SLC38A11: variants seen among roughly 807,000 people sequenced by gnomAD.
SLC38A11 encodes solute carrier family 38 member 11.
SLC38A11 carries 51 observed loss-of-function variants against 49.4 expected under a neutral mutation model. The ratio of observed to expected loss-of-function variants is 1.03; its 90% CI spans 0.83 to 1.30. The LOEUF (loss-of-function observed/expected upper bound fraction) is 1.30. Among genes scored for constraint, SLC38A11 ranks in the 50% most tolerant of loss-of-function variants. The pLI, the probability that SLC38A11 is intolerant of heterozygous loss-of-function variation, is 0.00. For missense variants in SLC38A11, 574 were observed against 556.2 expected (o/e 1.03, Z -0.32); for synonymous variants, 203 against 192.9 (o/e 1.05, Z -0.43).
At chr2:164,945,030 T>C (rs949485538) in intron 4 of SLC38A11, among the ~76,000 whole-genome samples, 1 of 152,192 alleles carries the variant, frequency 6.6e-6, no homozygotes. Flanking sequence ...ATTAAAAAAG[T>C]AAGACTTTTT....
At chr2:164,940,739 A>G (rs1215858891) in intron 5 of SLC38A11, among the ~76,000 whole-genome samples, 3 of 149,528 alleles carry the variant, frequency 2.0e-5, no homozygotes, top group Non-Finnish European at 4.5e-5. Flanking sequence ...GTGTATATAT[A>G]TGTATATGAT....
In SLC38A11 at chr2:164,937,334, TAAC is replaced by T. The variant is rs1559119797; in HGVS notation, c.617+13_617+15del. On this transcript the variant is annotated intron_variant, in intron 7 of 11. Coordinates refer to ENST00000685975, the MANE Select transcript of SLC38A11 (RefSeq NM_001351537.2). ...GCTATAAATCAAAGACTGACAAATA[TAAC>T]AACATAACTTACATGTGTGGACCCA... The T allele has an allele frequency of 6.4e-7, 1 of 1,556,174 alleles. No individual in the cohort carries two copies. The highest frequency in any genetic ancestry group is 1.1e-5 in the South Asian group (1 of 89,222).
At chr2:164,940,181 AG>A (rs1438292758) in intron 5 of SLC38A11, among the ~76,000 whole-genome samples, 1 of 149,424 alleles carries the variant, frequency 6.7e-6, no homozygotes, top group East Asian at 1.9e-4. Context: ...TGCAACTGGT[AG>A]ACACTGCAGA....
intron 7 of SLC38A11, among the ~76,000 whole-genome samples, chr2:164,920,926 C>T (rs1686153646): frequency 6.6e-6 from 1 of 151,726 alleles, no homozygotes; most frequent in Non-Finnish European, 1.5e-5. Flanking sequence ...GTTTGAGCAT[C>T]TGGAAAAGAA....
At chr2:164,930,560 A>G (rs916763203) in intron 7 of SLC38A11, among the ~76,000 whole-genome samples, 4 of 152,152 alleles carry the variant, frequency 2.6e-5, no homozygotes, top group African/African-American at 7.2e-5. Context: ...ATCCACCACA[A>G]TCAAGTAGGC....
intron 7 of SLC38A11, among the ~76,000 whole-genome samples, chr2:164,928,993 A>G (rs1387520209): frequency 1.3e-5 from 2 of 152,140 alleles, no homozygotes; most frequent in African/African-American, 4.8e-5. Context: ...CACATGTTCA[A>G]TATATCCCAT....
At chr2:164,952,666 C>T in intron 3 of SLC38A11, 41 bp downstream of exon 3, 2 of 1,260,612 alleles carry the variant, frequency 1.6e-6, no homozygotes, top group Non-Finnish European at 2.3e-6. Flanking sequence ...AGTTATTGCA[C>T]AGTTGAAGTT....
chr2:164,938,388 A>T (rs887482456), intron 6 of SLC38A11, among the ~76,000 whole-genome samples: 1 of 152,132 alleles, frequency 6.6e-6, no homozygotes, highest in African/African-American at 2.4e-5. Context: ...ATTTATTTAG[A>T]TATCTCAATA....
At chr2:164,932,867 A>G (rs1338772137) in intron 7 of SLC38A11, among the ~76,000 whole-genome samples, 2 of 152,096 alleles carry the variant, frequency 1.3e-5, no homozygotes, top group South Asian at 2.1e-4. Flanking sequence ...AAACCTGCAC[A>G]TGTACCCCTG....
At chr2:164,926,066 T>G (rs1294837851) in intron 7 of SLC38A11, among the ~76,000 whole-genome samples, 1 of 152,182 alleles carries the variant, frequency 6.6e-6, no homozygotes, top group African/African-American at 2.4e-5. Flanking sequence ...AGTCTTATCC[T>G]TATATCATTT....
intron 11 of SLC38A11, among the ~76,000 whole-genome samples, chr2:164,907,332 G>A (rs1044600003): frequency 2.2e-5 from 3 of 138,988 alleles, no homozygotes; most frequent in African/African-American, 8.4e-5. Flanking sequence ...GGAGTGCAGT[G>A]GTGCCATCTC....
intron 2 of SLC38A11, among the ~76,000 whole-genome samples, chr2:164,953,719 A>G (rs1374201638): frequency 6.6e-6 from 1 of 152,224 alleles, no homozygotes; most frequent in Non-Finnish European, 1.5e-5. Context: ...GTAATTCAAG[A>G]GTAAGAAAAG....
In SLC38A11 at chr2:164,896,339, C is replaced by G. The variant is rs1405849756; in HGVS notation, c.*2098G>C. The G allele has an allele frequency of 1.3e-5, 2 of 152,108 alleles. No individual in the cohort carries two copies. Among genetic ancestry groups the G allele is most frequent in the Admixed American group, 6.6e-5 (1 of 15,262 alleles). 9.4% of individuals were successfully genotyped at this position (152,108 alleles called of 1,614,324 possible). Reference sequence around the variant, plus strand: ...CACTAATGCTGCGCTCAGTTCCTACCAGGAGCTTTCATCTACTTGAAGAGT... The same window carrying G: ...CACTAATGCTGCGCTCAGTTCCTACGAGGAGCTTTCATCTACTTGAAGAGT... On this transcript the variant is annotated 3_prime_UTR_variant, in exon 12 of 12. Coordinates refer to ENST00000685975, the MANE Select transcript of SLC38A11 (RefSeq NM_001351537.2).
At chr2:164,905,782 T>C (rs1434059118) in intron 11 of SLC38A11, among the ~76,000 whole-genome samples, 2 of 152,092 alleles carry the variant, frequency 1.3e-5, no homozygotes, top group African/African-American at 4.8e-5. Context: ...AATCAGGTTT[T>C]AAAAAAATCT....
intron 11 of SLC38A11, among the ~76,000 whole-genome samples, chr2:164,904,363 G>A (rs1377621279): frequency 6.6e-6 from 1 of 151,986 alleles, no homozygotes; most frequent in African/African-American, 2.4e-5. Context: ...AACTTAGTGT[G>A]TGTTTGCTTT....
At chr2:164,904,065 G>C (rs967633375) in intron 11 of SLC38A11, among the ~76,000 whole-genome samples, 1 of 151,964 alleles carries the variant, frequency 6.6e-6, no homozygotes, top group Non-Finnish European at 1.5e-5. Flanking sequence ...ATTATGGCTT[G>C]CTCACCCCAA....
intron 5 of SLC38A11, among the ~76,000 whole-genome samples, chr2:164,943,762 C>A (rs1416583284): frequency 1.3e-5 from 2 of 152,160 alleles, no homozygotes; most frequent in Non-Finnish European, 2.9e-5. Context: ...ACTACAGGCA[C>A]ATGCTACTGT....
chr2:164,930,439 AAAC>A (rs529943924), intron 7 of SLC38A11, among the ~76,000 whole-genome samples: 217 of 152,172 alleles, frequency 1.4e-3, no homozygotes, highest in African/African-American at 4.9e-3. Flanking sequence ...TCTGGCAGAG[AAAC>A]AACATCAACA....
intron 3 of SLC38A11, among the ~76,000 whole-genome samples, chr2:164,946,835 C>A (rs1432841040): frequency 6.6e-6 from 1 of 152,132 alleles, no homozygotes; most frequent in Non-Finnish European, 1.5e-5. Context: ...TGGTTTCCCC[C>A]TGATTCCCAT....
Sources: allele counts gnomAD v4.1 joint callset (sites outside exome capture counted in the v4.1 genomes callset), GRCh38; gene constraint gnomAD v4.1.1; transcripts MANE v1.5; gene names NCBI Gene and HGNC (gene_info 2026-07-23, HGNC 2026-07-21).